Variants in AKT3 observed in about 807,000 individuals in gnomAD.
AKT3 encodes AKT serine/threonine kinase 3.
AKT3 carries 15 observed loss-of-function variants against 65.3 expected under a neutral mutation model. The observed-to-expected ratio is 0.23, with a 90% CI of 0.15 to 0.35. The LOEUF is 0.35. AKT3 is among the 10% of genes least tolerant of loss of function. The pLI is 1.00. For synonymous variants in AKT3, 206 were observed against 183.8 expected, an observed-to-expected ratio of 1.12 and a Z score of -0.98; for missense variants, 243 against 576.5, an observed-to-expected ratio of 0.42 and a Z score of 5.92.
chr1:243,613,262 C>T (rs1678038897), intron 8 of AKT3, among the ~76,000 whole-genome samples: 1 of 151,014 alleles, frequency 6.6e-6, no homozygotes, highest in Non-Finnish European at 1.5e-5. Flanking sequence ...CCATAATGTG[C>T]CCATGGACTA....
At chr1:243,802,088 C>T (rs921597046) in intron 2 of AKT3, among the ~76,000 whole-genome samples, 5 of 152,078 alleles carry the variant, frequency 3.3e-5, no homozygotes, top group African/African-American at 1.2e-4. Context: ...AAATAATACC[C>T]GGCTTGACTG....
intron 2 of AKT3, among the ~76,000 whole-genome samples, chr1:243,755,713 A>G (rs1043995344): frequency 4.6e-5 from 7 of 152,226 alleles, no homozygotes; most frequent in Non-Finnish European, 1.0e-4. Context: ...CATATTTGTA[A>G]AGACCAGAAT....
rs569206085 is a variant in AKT3 at position 243,584,501 on chromosome 1, G to A, written c.697-11453C>T. 3.9e-5 allele frequency among the ~76,000 whole-genome samples: 6 copies of A among 152,196 alleles called. No individual in the cohort carries two copies. The South Asian group carries it at 1.0e-3, about 26-fold the overall frequency. Reference sequence around the variant, plus strand: ...GACACAATGAAGAAAGAAAATCACAGGACTATATCCCTGATGAACACAGGT... The same window carrying A: ...GACACAATGAAGAAAGAAAATCACAAGACTATATCCCTGATGAACACAGGT... On this transcript the variant is annotated intron_variant, in intron 8 of 13. Coordinates refer to ENST00000673466, the MANE Select transcript of AKT3 (RefSeq NM_005465.7).
intron 2 of AKT3, among the ~76,000 whole-genome samples, chr1:243,817,745 A>AC (rs746250284): frequency 1.3e-5 from 2 of 152,256 alleles, no homozygotes; most frequent in Non-Finnish European, 1.5e-5. Flanking sequence ...TCTCAAATAA[A>AC]TAAATAAGCA....
chr1:243,491,943 T>C (rs1442005659), intron 13 of AKT3, among the ~76,000 whole-genome samples: 1 of 152,192 alleles, frequency 6.6e-6, no homozygotes, highest in African/African-American at 2.4e-5. Flanking sequence ...CTCTGTCCAC[T>C]TAATACCCAG....
chr1:243,599,298 C>G (rs1043056141), intron 8 of AKT3, among the ~76,000 whole-genome samples: 1 of 152,022 alleles, frequency 6.6e-6, no homozygotes, highest in Admixed American at 6.6e-5. Context: ...AAAGAGAACA[C>G]TTAAAATGAC....
chr1:243,490,906 G>T (rs1217331530), intron 13 of AKT3, among the ~76,000 whole-genome samples: 1 of 152,208 alleles, frequency 6.6e-6, no homozygotes, highest in African/African-American at 2.4e-5. Context: ...CCTGCTTTAG[G>T]CCTGGCCAGC....
chr1:243,679,460 A>T (rs1248163716), intron 3 of AKT3, among the ~76,000 whole-genome samples: 1 of 152,216 alleles, frequency 6.6e-6, no homozygotes, highest in Non-Finnish European at 1.5e-5. Context: ...AATAACTGCC[A>T]TCTTCATTGA....
At chr1:243,489,275 CTG>C in intron 13 of AKT3, 1 of 1,218,618 alleles carries the variant, frequency 8.2e-7, no homozygotes, top group South Asian at 1.5e-5. Flanking sequence ...GTCCCGAAGA[CTG>C]TGCTGGGCAC....
chr1:243,507,844 G>A (rs1034748937), intron 13 of AKT3, among the ~76,000 whole-genome samples: 1 of 152,290 alleles, frequency 6.6e-6, no homozygotes, highest in Non-Finnish European at 1.5e-5. Flanking sequence ...GGAAGGAGGA[G>A]GACCATCAAT....
At chr1:243,565,950 G>T (rs1382255008) in intron 9 of AKT3, among the ~76,000 whole-genome samples, 1 of 152,002 alleles carries the variant, frequency 6.6e-6, no homozygotes, top group Non-Finnish European at 1.5e-5. Context: ...TCTTATAAAA[G>T]TTCCAAATAA....
At position 243,843,288 on chromosome 1, in the gene AKT3, AG is replaced by A. The variant is rs1442372956; in HGVS notation, c.-112-7del. On this transcript the variant is annotated splice_polypyrimidine_tract_variant and splice_region_variant and intron_variant, in intron 1 of 13. Transcript: ENST00000673466. ...CTCTCTAGTGATGACTCAGCCTGGA[AG>A]GAAGTATTGAAGAAAGAATTTTTTT... 7 of 1,416,974 alleles carry A rather than the reference AG, an allele frequency of 4.9e-6. No homozygotes were observed. The highest frequency in any genetic ancestry group is 4.9e-5 in the East Asian group (2 of 40,688). The allele number at this position is 1,416,974 out of a possible 1,614,324, so 87.8% of individuals were successfully genotyped here. A position where few individuals can be genotyped will look rare whatever the true frequency, so the allele number is the denominator to read the frequency against.
chr1:243,628,483 A>G (rs1465168637), intron 6 of AKT3, among the ~76,000 whole-genome samples: 1 of 152,072 alleles, frequency 6.6e-6, no homozygotes, highest in African/African-American at 2.4e-5. Context: ...TTTTTTGTAG[A>G]GATGGGAGTC....
chr1:243,755,666 TAA>T (rs1689089855), intron 2 of AKT3, among the ~76,000 whole-genome samples: 1 of 152,224 alleles, frequency 6.6e-6, no homozygotes, highest in Non-Finnish European at 1.5e-5. Flanking sequence ...TAACAAGCCT[TAA>T]GTTAGTCATT....
At chr1:243,845,649 TG>T (rs1423550267) in intron 1 of AKT3, among the ~76,000 whole-genome samples, 1 of 150,684 alleles carries the variant, frequency 6.6e-6, no homozygotes, top group Non-Finnish European at 1.5e-5. Context: ...GCCATATTTT[TG>T]TAATATGCAT....
At chr1:243,522,726 T>C (rs1330374405) in intron 12 of AKT3, among the ~76,000 whole-genome samples, 2 of 152,108 alleles carry the variant, frequency 1.3e-5, no homozygotes, top group South Asian at 2.1e-4. Context: ...TACACACACA[T>C]ACACAGAAAG....
At chr1:243,625,807 T>G (rs1679117739) in intron 6 of AKT3, among the ~76,000 whole-genome samples, 1 of 152,192 alleles carries the variant, frequency 6.6e-6, no homozygotes, top group African/African-American at 2.4e-5. Context: ...GAAGTCTGCT[T>G]GGGGTTGATG....
chr1:243,512,781 CG>C (rs1156338555), intron 12 of AKT3, among the ~76,000 whole-genome samples: 20 of 152,282 alleles, frequency 1.3e-4, no homozygotes, highest in African/African-American at 3.4e-4. Context: ...GGCTCTTCCT[CG>C]GGCAACCTCT....
In AKT3 at chr1:243,706,937, C is replaced by A. The variant is rs1055915960; in HGVS notation, c.47-11221G>T. 2.6e-5 allele frequency among the ~76,000 whole-genome samples: 4 copies of A among 152,162 alleles called. No homozygotes were observed. The South Asian group carries it at 8.3e-4, about 31-fold the overall frequency. The stretch of plus-strand genomic sequence containing the variant: ...GAGCGCACACTCTCAAGCTGGACTG[C>A]CTGGGTTCAAATGCCAGTTCTGTCA... On this transcript the variant is annotated intron_variant, in intron 2 of 13. Coordinates refer to ENST00000673466, the MANE Select transcript of AKT3 (RefSeq NM_005465.7).
Sources: gnomAD v4.1 joint callset for allele counts (sites outside exome capture counted in the v4.1 genomes callset) on GRCh38, gnomAD v4.1.1 for gene constraint, MANE v1.5 for transcripts, NCBI Gene and HGNC (gene_info 2026-07-23, HGNC 2026-07-21) for gene names.